ACBD5: variants seen among roughly 807,000 people sequenced by gnomAD.
ACBD5 encodes acyl-CoA binding domain containing 5.
A neutral mutation model predicts 71.8 loss-of-function variants in ACBD5; 40 were observed. The ratio of observed to expected loss-of-function variants is 0.56; its 90% CI spans 0.43 to 0.72. ACBD5 has a LOEUF of 0.72. ACBD5 is among the 30% of genes least tolerant of loss of function. The pLI is 0.00. For missense variants in ACBD5, 559 were observed against 644.5 expected, an observed-to-expected ratio of 0.87 and a Z score of 1.44; for synonymous variants, 229 against 218.6, an observed-to-expected ratio of 1.05 and a Z score of -0.42.
In ACBD5 at chr10:27,208,338, C is replaced by T. The variant is rs1321723850; in HGVS notation, c.1312G>A (p.Glu438Lys). The change falls in exon 10 of 13, where the codon GAG (glutamate) becomes AAG (lysine). Residue 438 changes from glutamate to lysine, a missense_variant. Coordinates refer to ENST00000396271, the MANE Select transcript of ACBD5 (RefSeq NM_145698.5). ...SDRGSRGSLN[E>K]QIALVLMRLQ... is the part of the protein sequence containing the mutation. ...CTCATCAGCACGAGGGCGATCTGCT[C>T]ATTGAGGCTGCCTCGGGACCCTCTG... 2.5e-6 allele frequency: 4 copies of T among 1,614,186 alleles called. No homozygotes were observed. The highest frequency in any genetic ancestry group is 1.7e-5 in the Admixed American group (1 of 60,018).
chr10:27,196,107 G>A lies in ACBD5; in HGVS notation c.*1323C>T. On this transcript the variant is annotated 3_prime_UTR_variant, in exon 13 of 13. Coordinates refer to ENST00000396271, the MANE Select transcript of ACBD5 (RefSeq NM_145698.5). ...ATCCCAGCTACTTGGGAGTGAGGCA[G>A]GAGAATCACTTGAACCCAGGAGGTG... 2.2e-6 allele frequency: 1 copy of A among 448,112 alleles called. No individual in the cohort carries two copies. Among genetic ancestry groups the A allele is most frequent in the Non-Finnish European group, 4.5e-6 (1 of 224,122 alleles). 27.8% of individuals were successfully genotyped at this position (448,112 alleles called of 1,614,324 possible). A position where few individuals can be genotyped will look rare whatever the true frequency, so the allele number is the denominator to read the frequency against.
At chr10:27,227,009 A>ATTTTTTTTTTTTTTTTTTTTT (rs56406048) in intron 4 of ACBD5, among the ~76,000 whole-genome samples, 1 of 78,402 alleles carries the variant, frequency 1.3e-5, no homozygotes. Context: ...TTTTTTTGCG[A>ATTTTTTTTTTTTTTTTTTTTT]TTTTTTTTTT....
At chr10:27,233,967 C>G (rs2064273800) in intron 3 of ACBD5, among the ~76,000 whole-genome samples, 1 of 152,124 alleles carries the variant, frequency 6.6e-6, no homozygotes, top group African/African-American at 2.4e-5. Flanking sequence ...TCGCTTGAAC[C>G]TGGGAGGCAG....
At chr10:27,222,518 T>C (rs759075881) in intron 5 of ACBD5, among the ~76,000 whole-genome samples, 2 of 152,198 alleles carry the variant, frequency 1.3e-5, no homozygotes, top group Non-Finnish European at 2.9e-5. Context: ...TTAGCTTATA[T>C]GCTATAGTTA....
At chr10:27,186,474 A>G in intron 13 of ACBD5, 2 of 1,614,102 alleles carry the variant, frequency 1.2e-6, no homozygotes, top group Non-Finnish European at 1.7e-6. Flanking sequence ...TGAAACAGAT[A>G]CCTCCTATTT....
intron 3 of ACBD5, 73 bp downstream of exon 3, chr10:27,235,019 A>T: frequency 7.0e-7 from 1 of 1,438,772 alleles, no homozygotes; most frequent in Non-Finnish European, 9.7e-7. Flanking sequence ...ATATATAACC[A>T]CTTAAGTAAT....
At chr10:27,185,021 T>C (rs1317753768) in intron 13 of ACBD5, among the ~76,000 whole-genome samples, 2 of 152,094 alleles carry the variant, frequency 1.3e-5, no homozygotes, top group South Asian at 2.1e-4. Flanking sequence ...CAATATGTTG[T>C]AGAGATGCAA....
chr10:27,238,479 T>C (rs1040092118), intron 2 of ACBD5, among the ~76,000 whole-genome samples: 1 of 152,212 alleles, frequency 6.6e-6, no homozygotes, highest in Admixed American at 6.5e-5. Flanking sequence ...CATAAAACTC[T>C]TAGAATCATA....
At chr10:27,212,247 G>A (rs576583997) in intron 8 of ACBD5, among the ~76,000 whole-genome samples, 3 of 152,342 alleles carry the variant, frequency 2.0e-5, no homozygotes, top group Non-Finnish European at 4.4e-5. Context: ...TACTTGGAAG[G>A]CTGAGGCACA....
intron 10 of ACBD5, among the ~76,000 whole-genome samples, chr10:27,207,081 C>A (rs1212784780): frequency 6.6e-6 from 1 of 151,320 alleles, no homozygotes. Context: ...ATCAAGACCA[C>A]CCTGGCCAAC....
chr10:27,200,320 G>A (rs1426873714), intron 12 of ACBD5, among the ~76,000 whole-genome samples: 4 of 152,288 alleles, frequency 2.6e-5, no homozygotes, highest in South Asian at 4.1e-4. Context: ...CAAATGCCAC[G>A]GCAACGTCAG....
chr10:27,240,868 A>C, upstream of ACBD5: 2 of 923,986 alleles, frequency 2.2e-6, no homozygotes, highest in East Asian at 2.6e-5. This position sits in a 1 kb window ranked among gnomAD's most constrained non-coding sequence, Gnocchi z 4.1. Context: ...CCGCCGCCGC[A>C]GCAGCAGTGC....
intron 12 of ACBD5, among the ~76,000 whole-genome samples, chr10:27,202,775 A>T (rs1342712997): frequency 6.6e-6 from 1 of 152,078 alleles, no homozygotes; most frequent in Non-Finnish European, 1.5e-5. Context: ...ATCTCCCCAT[A>T]AGCAGCAGTG....
Position 27,215,557 on chromosome 10 carries a change from A to G in ACBD5, c.914T>C (p.Met305Thr). Residue 305 changes from methionine to threonine, a missense_variant, in exon 8 of 13, where the codon ATG (methionine) becomes ACG (threonine). Transcript: ENST00000396271. The part of the protein sequence containing the change: ...DSDSEVYCDS[M>T]EQFGQEESLD... Reference sequence around the variant, plus strand: ...TACCTCTTCTTGTCCAAATTGTTCCATAGAATCACAGTAAACTTCACTGTC... The same window carrying G: ...TACCTCTTCTTGTCCAAATTGTTCCGTAGAATCACAGTAAACTTCACTGTC... 6.2e-7 allele frequency: 1 copy of G among 1,613,146 alleles called. No individual in the cohort carries two copies. The highest frequency in any genetic ancestry group is 8.5e-7 in the Non-Finnish European group (1 of 1,179,428).
chr10:27,218,130 T>C lies in ACBD5; in HGVS notation c.679A>G (p.Thr227Ala), dbSNP rs2061881312. Reference sequence around the variant, plus strand: ...AAGCCATCTTTATCATAGCCATTAGTGACAATGACTTCCAAATTCTTATGG... The same window carrying C: ...AAGCCATCTTTATCATAGCCATTAGCGACAATGACTTCCAAATTCTTATGG... ...ADHKNLEVIV[T>A]NGYDKDGFVQ... The change falls in exon 7 of 13, where the codon ACT (threonine) becomes GCT (alanine). Residue 227 changes from threonine to alanine, a missense_variant. Transcript: ENST00000396271. 1.9e-6 allele frequency: 3 copies of C among 1,614,146 alleles called. No homozygotes were observed.
At chr10:27,237,324 T>G (rs971420455) in intron 2 of ACBD5, among the ~76,000 whole-genome samples, 6 of 152,198 alleles carry the variant, frequency 3.9e-5, no homozygotes, top group African/African-American at 1.4e-4. Flanking sequence ...TCATATGTAT[T>G]TGAAATATTA....
chr10:27,185,859 G>A (rs1340299274), intron 13 of ACBD5, among the ~76,000 whole-genome samples: 2 of 151,834 alleles, frequency 1.3e-5, no homozygotes, highest in Non-Finnish European at 2.9e-5. Context: ...GAAGGCCAAG[G>A]TGGGCAGATC....
At position 27,208,112 on chromosome 10, in the gene ACBD5, T is replaced by C. The variant is rs769561869; in HGVS notation, c.1404+134A>G. 3 of 920,016 alleles carry C rather than the reference T, an allele frequency of 3.3e-6. No homozygotes were observed. In the East Asian group the frequency reaches 7.4e-5, roughly 23 times the overall value. 57.0% of individuals were successfully genotyped at this position (920,016 alleles called of 1,614,324 possible). On this transcript the variant is annotated intron_variant, in intron 10 of 12. Transcript: ENST00000396271. Reference sequence around the variant, plus strand: ...TGGGTCAGTCTTTTCTTAAACAATATTTTCAAAACCAAGTTCTATTTTCTA... The same window carrying C: ...TGGGTCAGTCTTTTCTTAAACAATACTTTCAAAACCAAGTTCTATTTTCTA...
chr10:27,217,272 A>G (rs1196956173), intron 7 of ACBD5, among the ~76,000 whole-genome samples: 2 of 148,944 alleles, frequency 1.3e-5, no homozygotes, highest in African/African-American at 5.0e-5. Context: ...CCTGGCCAAC[A>G]TGGTGAAACC....
Sources: gnomAD v4.1 joint callset for allele counts (sites outside exome capture counted in the v4.1 genomes callset) on GRCh38, gnomAD v4.1.1 for gene constraint, Gnocchi (gnomAD v3.1) non-coding constraint, MANE v1.5 for transcripts, NCBI Gene and HGNC (gene_info 2026-07-23, HGNC 2026-07-21) for gene names.